ZNF317: variants seen among roughly 807,000 people sequenced by gnomAD.
ZNF317 encodes zinc finger protein 317, also known as KRAB-containing zinc finger protein 317.
ZNF317 carries 17 observed loss-of-function variants against 23.4 expected under a neutral mutation model. The observed-to-expected ratio is 0.73, with a 90% CI of 0.50 to 1.09. ZNF317 has a LOEUF of 1.09. ZNF317 is among the 50% of genes least tolerant of loss of function. The pLI is 0.00. For synonymous variants in ZNF317, 317 were observed against 314.9 expected (o/e 1.01, Z -0.07); for missense variants, 679 against 796.7 (o/e 0.85, Z 1.78).
chr19:9,140,654 T>C (rs1240942541), intron 1 of ZNF317, 62 bp downstream of exon 1: 4 of 449,642 alleles, frequency 8.9e-6, no homozygotes, highest in East Asian at 7.1e-5. Flanking sequence ...GAGGCCTATC[T>C]GGCGGTGAGG....
In ZNF317 at chr19:9,140,446, G is replaced by T. The variant is rs780643294; in HGVS notation, c.-239G>T. 2.2e-6 allele frequency: 1 copy of T among 452,940 alleles called. No individual in the cohort carries two copies. Among genetic ancestry groups the T allele is most frequent in the South Asian group, 1.6e-5 (1 of 64,082 alleles). 28.1% of individuals were successfully genotyped at this position (452,940 alleles called of 1,614,324 possible). ...TGGAGTCGATTGCCCCGAGACACAT[G>T]GGCCAAGGAGGGGTCAGCGGCGAAT... On this transcript the variant is annotated 5_prime_UTR_variant, in exon 1 of 7. The change abolishes an upstream ATG in the 5' untranslated region. Transcript: ENST00000247956.
intron 1 of ZNF317, among the ~76,000 whole-genome samples, chr19:9,143,971 T>C (rs1311200400): frequency 6.6e-6 from 1 of 151,032 alleles, no homozygotes; most frequent in African/African-American, 2.4e-5. Context: ...TTTCCATTCT[T>C]ATTGTACTCT....
intron 1 of ZNF317, among the ~76,000 whole-genome samples, chr19:9,141,683 G>C (rs1384083667): frequency 6.6e-6 from 1 of 152,148 alleles, no homozygotes; most frequent in Admixed American, 6.5e-5. Flanking sequence ...TCAAGTTGTG[G>C]TGAATCTATA....
At chr19:9,142,178 T>G (rs1454623799) in intron 1 of ZNF317, among the ~76,000 whole-genome samples, 1 of 152,236 alleles carries the variant, frequency 6.6e-6, no homozygotes, top group East Asian at 1.9e-4. Context: ...GGAACTTTGT[T>G]TTTTGGTGCT....
In ZNF317 at chr19:9,160,726, C is replaced by G; in HGVS notation, c.1081C>G (p.Pro361Ala). 1 of 1,614,184 alleles carries G rather than the reference C, an allele frequency of 6.2e-7. No homozygotes were observed. The highest frequency in any genetic ancestry group is 8.5e-7 in the Non-Finnish European group (1 of 1,180,032). The change falls in exon 7 of 7, where the codon CCC becomes GCC. Residue 361 changes from proline (P) to alanine (A), a missense_variant. Physicochemically the swap from Pro to Ala is conservative, Grantham distance 27. Transcript: ENST00000247956. This position sits in a 1 kb window ranked among gnomAD's most constrained non-coding sequence, Gnocchi z 6.8. ...CGTGAGGAATCACACGGGGGAGAAGCCCTACGCGTGCACGCAGTGCGGCAA... is the reference window on the plus strand; with the variant it reads ...CGTGAGGAATCACACGGGGGAGAAGGCCTACGCGTGCACGCAGTGCGGCAA... ...EHVRNHTGEK[P>A]YACTQCGKAF...
intron 1 of ZNF317, among the ~76,000 whole-genome samples, chr19:9,146,469 C>CAGG (rs1047795729): frequency 5.3e-5 from 8 of 150,754 alleles, no homozygotes; most frequent in Admixed American, 3.3e-4. Context: ...TTCTGTCACC[C>CAGG]AGGCTGGAAG....
chr19:9,160,717 G>A lies in ZNF317; in HGVS notation c.1072G>A (p.Gly358Arg), dbSNP rs140928941. Residue 358 changes from glycine (G) to arginine (R), a missense_variant, in exon 7 of 7, where the codon GGG (glycine) becomes AGG (arginine). Transcript: ENST00000247956. This position sits in a 1 kb window ranked among gnomAD's most constrained non-coding sequence, Gnocchi z 6.8. ...CAAAGAGCACGTGAGGAATCACACGGGGGAGAAGCCCTACGCGTGCACGCA... is the reference window on the plus strand; with the variant it reads ...CAAAGAGCACGTGAGGAATCACACGAGGGAGAAGCCCTACGCGTGCACGCA... ...HLKEHVRNHT[G>R]EKPYACTQCG... 3.1e-6 allele frequency: 5 copies of A among 1,614,196 alleles called. No individual in the cohort carries two copies. In the African/African-American group the frequency reaches 6.7e-5, roughly 22 times the overall value.
chr19:9,146,551 C>G (rs1340205291), intron 1 of ZNF317, among the ~76,000 whole-genome samples: 1 of 151,792 alleles, frequency 6.6e-6, no homozygotes, highest in African/African-American at 2.4e-5. Flanking sequence ...CCTCAGCCTC[C>G]CAAGTAACTG....
intron 1 of ZNF317, among the ~76,000 whole-genome samples, chr19:9,150,627 G>T (rs1395209145): frequency 6.6e-6 from 1 of 152,210 alleles, no homozygotes; most frequent in Non-Finnish European, 1.5e-5. Flanking sequence ...TCTCAAGCCA[G>T]AGTCTTCAAA....
intron 1 of ZNF317, among the ~76,000 whole-genome samples, chr19:9,144,510 T>G (rs1468575236): frequency 6.6e-6 from 1 of 152,206 alleles, no homozygotes; most frequent in Non-Finnish European, 1.5e-5. Flanking sequence ...TCTGTACATT[T>G]TGAATTTATT....
intron 1 of ZNF317, among the ~76,000 whole-genome samples, chr19:9,150,245 A>G (rs901401917): frequency 6.6e-6 from 1 of 152,168 alleles, no homozygotes; most frequent in African/African-American, 2.4e-5. Context: ...ATAAATGAAC[A>G]ATTCTGTTAA....
In ZNF317 at chr19:9,160,394, A is replaced by G. The variant is rs749455791; in HGVS notation, c.749A>G (p.Tyr250Cys). 1 of 1,614,208 alleles carries G rather than the reference A, an allele frequency of 6.2e-7. No homozygotes were observed. Among genetic ancestry groups the G allele is most frequent in the Non-Finnish European group, 8.5e-7 (1 of 1,180,036 alleles). Residue 250 changes from tyrosine to cysteine, a missense_variant, in exon 7 of 7, where the codon TAC (tyrosine) becomes TGC (cysteine). Transcript: ENST00000247956. This position sits in a 1 kb window ranked among gnomAD's most constrained non-coding sequence, Gnocchi z 6.8. The stretch of plus-strand genomic sequence containing the variant: ...AGAATCCACACCGGGGAGAAGCCTT[A>G]CGAGTGCAGCGACTGCGGGAAAGCC... ...HRRIHTGEKP[Y>C]ECSDCGKAFN... is the part of the protein sequence containing the mutation.
Position 9,161,057 on chromosome 19 carries a change from A to G in ZNF317, c.1412A>G (p.Glu471Gly). The G allele has an allele frequency of 6.2e-7, 1 of 1,614,226 alleles. No individual in the cohort carries two copies. Among genetic ancestry groups the G allele is most frequent in the South Asian group, 1.1e-5 (1 of 91,088 alleles). The change falls in exon 7 of 7, where the codon GAG (glutamate) becomes GGG (glycine). Residue 471 changes from glutamate to glycine, a missense_variant. Transcript: ENST00000247956. This position sits in a 1 kb window ranked among gnomAD's most constrained non-coding sequence, Gnocchi z 4.0. The stretch of plus-strand genomic sequence containing the variant: ...GCACACAGGAAGATACACACGCAAG[A>G]GAGACGCTACGAATGCGCCGCCTGC... ...LTAHRKIHTQERRYECAACGK... is the reference protein window; with the variant it reads ...LTAHRKIHTQGRRYECAACGK...
chr19:9,141,664 C>T (rs1377083191), intron 1 of ZNF317, among the ~76,000 whole-genome samples: 1 of 152,152 alleles, frequency 6.6e-6, no homozygotes, highest in Admixed American at 6.5e-5. Context: ...ACATACTGGA[C>T]TTTTGTTTTC....
At chr19:9,149,059 G>A (rs2050713099) in intron 1 of ZNF317, among the ~76,000 whole-genome samples, 1 of 152,230 alleles carries the variant, frequency 6.6e-6, no homozygotes, top group Non-Finnish European at 1.5e-5. Context: ...AGTGACATGA[G>A]CAAGGCGTAA....
At chr19:9,147,912 G>T (rs1299055715) in intron 1 of ZNF317, among the ~76,000 whole-genome samples, 4 of 152,128 alleles carry the variant, frequency 2.6e-5, no homozygotes, top group African/African-American at 4.8e-5. Context: ...ATTGGATCAG[G>T]GGGGCAGATT....
At chr19:9,156,868 A>G in intron 3 of ZNF317, 120 bp downstream of exon 3, 1 of 1,253,096 alleles carries the variant, frequency 8.0e-7, no homozygotes, top group Non-Finnish European at 1.1e-6. Context: ...ACAGGGCCCA[A>G]GAGAGAGCCA....
Position 9,161,031 on chromosome 19 carries a change from C to G in ZNF317, c.1386C>G (p.Thr462=). 5.0e-6 allele frequency: 8 copies of G among 1,613,976 alleles called. No individual in the cohort carries two copies. Among genetic ancestry groups the G allele is most frequent in the South Asian group, 1.1e-5 (1 of 91,072 alleles). The change falls in exon 7 of 7, where the codon ACC becomes ACG. Residue 462 remains threonine (T), a synonymous_variant. Transcript: ENST00000247956. The surrounding 1 kb of genome is among the most constrained non-coding windows in gnomAD (Gnocchi z 4.0). ...GKAFSASSNL[T]AHRKIHTQER... ...CTTTCAGCGCGAGTTCAAACCTCACCGCACACAGGAAGATACACACGCAAG... is the reference window on the plus strand; with the variant it reads ...CTTTCAGCGCGAGTTCAAACCTCACGGCACACAGGAAGATACACACGCAAG...
Position 9,161,142 on chromosome 19 carries a change from G to A in ZNF317, c.1497G>A (p.Lys499=), listed in dbSNP as rs1159319425. 6.2e-7 allele frequency: 1 copy of A among 1,614,078 alleles called. No homozygotes were observed. Among genetic ancestry groups the A allele is most frequent in the Admixed American group, 1.7e-5 (1 of 60,010 alleles). The stretch of plus-strand genomic sequence containing the variant: ...GGCACATGAGCGTTCACCTTGTAAA[G>A]AAACGAGTTGAGTGTAGGCAGTGTG... The part of the protein sequence containing the change: ...RRRHMSVHLV[K]KRVECRQCGK... Residue 499 remains lysine (K), a synonymous_variant, in exon 7 of 7, where the codon AAG becomes AAA. Transcript: ENST00000247956. This position sits in a 1 kb window ranked among gnomAD's most constrained non-coding sequence, Gnocchi z 4.0.
Sources: allele counts gnomAD v4.1 joint callset (sites outside exome capture counted in the v4.1 genomes callset), GRCh38; gene constraint gnomAD v4.1.1; non-coding constraint Gnocchi (gnomAD v3.1); transcripts MANE v1.5; gene names NCBI Gene and HGNC (gene_info 2026-07-23, HGNC 2026-07-21).